ANKS1B: variants seen among roughly 807,000 people sequenced by gnomAD.
The protein encoded by ANKS1B is ankyrin repeat and sterile alpha motif domain-containing protein 1B.
In ANKS1B, 36 loss-of-function variants were observed where a neutral mutation model predicts 148.3. The ratio of observed to expected loss-of-function variants is 0.24; its 90% CI spans 0.19 to 0.32. The LOEUF is 0.32. ANKS1B is among the 10% of genes least tolerant of loss of function. The pLI, the probability that ANKS1B is intolerant of heterozygous loss-of-function variation, is 1.00. For missense variants in ANKS1B, 1,157 were observed against 1,542.6 expected (o/e 0.75, Z 4.19); for synonymous variants, 542 against 560.8 (o/e 0.97, Z 0.47).
intron 1 of ANKS1B, among the ~76,000 whole-genome samples, chr12:99,943,430 C>T (rs1205876908): frequency 6.6e-6 from 1 of 152,138 alleles, no homozygotes; most frequent in Non-Finnish European, 1.5e-5. Flanking sequence ...AGTCAGTTCT[C>T]ACGCTGCTAA....
intron 2 of ANKS1B, among the ~76,000 whole-genome samples, chr12:99,822,319 T>A (rs764093574): frequency 5.3e-5 from 8 of 152,172 alleles, no homozygotes; most frequent in Admixed American, 1.3e-4. Context: ...TATTTTAGAT[T>A]CAGGGGACAC....
chr12:99,090,269 GT>G (rs199743499), intron 15 of ANKS1B, among the ~76,000 whole-genome samples: 1 of 152,074 alleles, frequency 6.6e-6, no homozygotes, highest in African/African-American at 2.4e-5. Context: ...ATTTCTTGTA[GT>G]TTTTTAAACT....
At chr12:99,787,160 T>A (rs557454347) in intron 4 of ANKS1B, among the ~76,000 whole-genome samples, 1 of 152,166 alleles carries the variant, frequency 6.6e-6, no homozygotes, top group Non-Finnish European at 1.5e-5. Flanking sequence ...TATGTCCCCA[T>A]CCAAATCTCA....
At chr12:98,800,287 G>T (rs1224156801) in intron 21 of ANKS1B, among the ~76,000 whole-genome samples, 5 of 150,560 alleles carry the variant, frequency 3.3e-5, no homozygotes, top group African/African-American at 9.8e-5. Context: ...AAATGAAGGT[G>T]AAATTTATTA....
At chr12:99,275,448 C>T (rs2153992942) in intron 12 of ANKS1B, among the ~76,000 whole-genome samples, 1 of 152,320 alleles carries the variant, frequency 6.6e-6, no homozygotes, top group South Asian at 2.1e-4. Context: ...CAAAGTTTGT[C>T]TTTCTATGCC....
intron 1 of ANKS1B, among the ~76,000 whole-genome samples, chr12:99,835,577 T>C (rs1176289077): frequency 6.6e-6 from 1 of 152,242 alleles, no homozygotes; most frequent in Non-Finnish European, 1.5e-5. Flanking sequence ...ATAATCAATA[T>C]AAAAAGTATT....
At chr12:99,176,626 T>G (rs1348609945) in intron 14 of ANKS1B, among the ~76,000 whole-genome samples, 1 of 152,126 alleles carries the variant, frequency 6.6e-6, no homozygotes, top group East Asian at 1.9e-4. Context: ...GTGTTGGAGG[T>G]GTTTGGATCA....
chr12:99,598,616 C>T (rs541426226), intron 9 of ANKS1B, among the ~76,000 whole-genome samples: 1 of 152,146 alleles, frequency 6.6e-6, no homozygotes, highest in Admixed American at 6.6e-5. Flanking sequence ...ACATAGCAGG[C>T]ACAATGGGAC....
At position 99,582,353 on chromosome 12, in the gene ANKS1B, A is replaced by C. The variant is rs537941842; in HGVS notation, c.1272+72714T>G. On this transcript the variant is annotated intron_variant, in intron 9 of 26. Coordinates refer to ENST00000683438, the MANE Select transcript of ANKS1B (RefSeq NM_001352186.2). ...TCCCACATCTAGGTATTTTTTAAAAAAAAAAGACAGAGATGAAAACATTTG... is the reference window on the plus strand; with the variant it reads ...TCCCACATCTAGGTATTTTTTAAAACAAAAAGACAGAGATGAAAACATTTG... 1.1e-4 allele frequency among the ~76,000 whole-genome samples: 17 copies of C among 152,266 alleles called. 1 individual carries two copies. In the South Asian group the frequency reaches 2.1e-3, roughly 19 times the overall value.
At chr12:99,358,424 T>A (rs540870434) in intron 12 of ANKS1B, among the ~76,000 whole-genome samples, 1 of 152,264 alleles carries the variant, frequency 6.6e-6, no homozygotes, top group Non-Finnish European at 1.5e-5. Context: ...CTATAAAATA[T>A]CATGGTTTTT....
At chr12:98,818,183 C>CCTT (rs2099157689) in intron 19 of ANKS1B, among the ~76,000 whole-genome samples, 1 of 51,220 alleles carries the variant, frequency 2.0e-5, no homozygotes, top group South Asian at 7.8e-4. Flanking sequence ...CTTCCTTCCT[C>CCTT]TCTTCCTCTC....
intron 17 of ANKS1B, among the ~76,000 whole-genome samples, chr12:99,041,485 C>T (rs1474528821): frequency 1.3e-5 from 2 of 152,122 alleles, no homozygotes; most frequent in Non-Finnish European, 2.9e-5. Context: ...CTATCATTCT[C>T]CAATTACTGA....
intron 8 of ANKS1B, among the ~76,000 whole-genome samples, chr12:99,661,790 TACC>T (rs2098478874): frequency 1.3e-5 from 2 of 152,326 alleles, no homozygotes; most frequent in South Asian, 4.1e-4. Flanking sequence ...TTTGAATAAA[TACC>T]ACATTGTCCA....
chr12:99,910,808 GT>G (rs1203725695), intron 1 of ANKS1B, among the ~76,000 whole-genome samples: 1 of 151,248 alleles, frequency 6.6e-6, no homozygotes, highest in East Asian at 1.9e-4. Flanking sequence ...TTTACAGAGA[GT>G]TCTGAATTAT....
At chr12:99,950,938 T>C (rs755793711) in intron 1 of ANKS1B, among the ~76,000 whole-genome samples, 13 of 152,218 alleles carry the variant, frequency 8.5e-5, no homozygotes, top group Non-Finnish European at 1.9e-4. Context: ...ACATAAGATA[T>C]AAATTGTTTA....
At chr12:99,255,777 T>A (rs2075184391) in intron 12 of ANKS1B, among the ~76,000 whole-genome samples, 1 of 152,144 alleles carries the variant, frequency 6.6e-6, no homozygotes, top group Non-Finnish European at 1.5e-5. Flanking sequence ...GGGATATATA[T>A]GGGAATCTTA....
intron 24 of ANKS1B, among the ~76,000 whole-genome samples, chr12:98,780,889 A>G (rs147096085): frequency 1.6e-4 from 24 of 152,220 alleles, no homozygotes; most frequent in Non-Finnish European, 2.8e-4. Flanking sequence ...ATTTATAGAA[A>G]CCCCAGATCA....
rs556748440 is a variant in ANKS1B, at chr12:99,217,534, C to A, written c.2419+26808G>T. 1.5e-3 allele frequency among the ~76,000 whole-genome samples: 230 copies of A among 152,242 alleles called. 2 individuals are homozygous for A. The highest frequency in any genetic ancestry group is 2.0e-3 in the Admixed American group (30 of 15,278). On this transcript the variant is annotated intron_variant, in intron 14 of 26. Coordinates refer to ENST00000683438, the MANE Select transcript of ANKS1B (RefSeq NM_001352186.2). ...AAGTTGGACCCAATACTAATTATAA[C>A]CTTATATTGGCTTTTCCTTTCCTTG...
chr12:99,974,230 T>C (rs1302015380), intron 1 of ANKS1B, among the ~76,000 whole-genome samples: 2 of 152,220 alleles, frequency 1.3e-5, no homozygotes, highest in Non-Finnish European at 2.9e-5. Context: ...TATTTTTTAA[T>C]TACGTACATT....
Sources: gnomAD v4.1 joint callset for allele counts (sites outside exome capture counted in the v4.1 genomes callset) on GRCh38, gnomAD v4.1.1 for gene constraint, MANE v1.5 for transcripts, NCBI Gene and HGNC (gene_info 2026-07-23, HGNC 2026-07-21) for gene names.